The following ACOT8 variants were observed in gnomAD, a reference collection of about 807,000 sequenced individuals.
ACOT8 encodes the protein acyl-CoA thioesterase 8, also known as acyl-coenzyme A thioesterase 8.
A neutral mutation model predicts 38.4 loss-of-function variants in ACOT8; 31 were observed. That is an observed-to-expected ratio of 0.81 (90% confidence interval 0.61 to 1.09). The LOEUF (loss-of-function observed/expected upper bound fraction) is 1.09. Among genes scored for constraint, ACOT8 ranks in the 50% least tolerant of loss-of-function variants. ACOT8 has a pLI of 0.00. For missense variants in ACOT8, 373 were observed against 421.8 expected, an observed-to-expected ratio of 0.88 and a Z score of 1.01; for synonymous variants, 158 against 170.3, an observed-to-expected ratio of 0.93 and a Z score of 0.56.
chr20:45,854,026 TTTG>T (rs1248198332), intron 2 of ACOT8: 1 of 1,252,088 alleles, frequency 8.0e-7, no homozygotes, highest in Non-Finnish European at 1.0e-6. Flanking sequence ...GAGGGTTTTT[TTTG>T]TTTGTTTTTT....
At chr20:45,856,893 C>A (rs1985485114) in intron 1 of ACOT8, among the ~76,000 whole-genome samples, 1 of 152,238 alleles carries the variant, frequency 6.6e-6, no homozygotes, top group East Asian at 1.9e-4. Context: ...TTGGGCAAAT[C>A]ACTGCCCTCT....
chr20:45,855,053 C>T, intron 2 of ACOT8, 106 bp downstream of exon 2: 1 of 1,495,218 alleles, frequency 6.7e-7, no homozygotes, highest in Non-Finnish European at 9.1e-7. Context: ...CCACCCCTCC[C>T]CTTGTCTTCC....
chr20:45,848,875 A>G, intron 2 of ACOT8, 200 bp from the exon 3 acceptor site: 1 of 473,786 alleles, frequency 2.1e-6, no homozygotes, highest in Non-Finnish European at 3.7e-6. Flanking sequence ...GCTTTTCTCT[A>G]ACAGCACAAA....
chr20:45,854,020 G>GT (rs34682341), intron 2 of ACOT8: 345 of 1,249,766 alleles, frequency 2.8e-4, no homozygotes, highest in Middle Eastern at 4.4e-4. Flanking sequence ...AACAGTGAGG[G>GT]TTTTTTTTGT....
chr20:45,844,087 A>T, intron 4 of ACOT8, 176 bp downstream of exon 4: 1 of 948,460 alleles, frequency 1.1e-6, no homozygotes, highest in Non-Finnish European at 1.6e-6. Context: ...AGTCATCTCC[A>T]CCTTCTCCCC....
Position 45,841,912 on chromosome 20 carries a change from C to T in ACOT8, c.886G>A (p.Gly296Arg), listed in dbSNP as rs1984179149. 6.2e-7 allele frequency: 1 copy of T among 1,612,828 alleles called. No individual in the cohort carries two copies. Among genetic ancestry groups the T allele is most frequent in the Non-Finnish European group, 8.5e-7 (1 of 1,179,818 alleles). The change falls in exon 6 of 6, where the codon GGA becomes AGA. Residue 296 changes from glycine to arginine, a missense_variant. By Grantham distance (125) the Gly-to-Arg change is moderately radical. Transcript: ENST00000217455. Reference sequence around the variant, plus strand: ...TGGGCACAGGTCACAGCTAGGACTCCATCCTGACGCCACAGCCGCCCATGG... The same window carrying T: ...TGGGCACAGGTCACAGCTAGGACTCTATCCTGACGCCACAGCCGCCCATGG... ...LVHGRLWRQD[G>R]VLAVTCAQEG...
At chr20:45,856,258 T>C (rs879469605) in intron 1 of ACOT8, among the ~76,000 whole-genome samples, 1 of 151,088 alleles carries the variant, frequency 6.6e-6, no homozygotes, top group South Asian at 2.1e-4. Context: ...GGCCAGATCT[T>C]GTCTTCAAAA....
intron 2 of ACOT8, among the ~76,000 whole-genome samples, chr20:45,853,040 A>C (rs1985165503): frequency 6.6e-6 from 1 of 152,240 alleles, no homozygotes; most frequent in Admixed American, 6.5e-5. Context: ...AAGTGCTAGG[A>C]TTACAGGCAT....
At chr20:45,845,148 G>C (rs1984590441) in intron 3 of ACOT8, among the ~76,000 whole-genome samples, 2 of 152,100 alleles carry the variant, frequency 1.3e-5, no homozygotes, top group African/African-American at 2.4e-5. Context: ...GAGTGCGGTG[G>C]TGCAATCTCA....
At position 45,841,975 on chromosome 20, in the gene ACOT8, G is replaced by A. The variant is rs1378900903; in HGVS notation, c.842-19C>T. On this transcript the variant is annotated intron_variant, in intron 5 of 5. Coordinates refer to ENST00000217455, the MANE Select transcript of ACOT8 (RefSeq NM_005469.4). ...GAGCCACCTGTGGGTGAGGTGAAGG[G>A]TGATGATGGCCTGCTTCAGAACAGC... 5 of 1,612,698 alleles carry A rather than the reference G, an allele frequency of 3.1e-6. No individual in the cohort carries two copies. The African/African-American group carries it at 4.0e-5, about 13-fold the overall frequency.
At chr20:45,843,275 G>A in intron 5 of ACOT8, 2 of 675,218 alleles carry the variant, frequency 3.0e-6, no homozygotes, top group Middle Eastern at 2.5e-4. Flanking sequence ...ATCTGAACTG[G>A]TTTTGGGACT....
At chr20:45,845,558 A>C (rs1270789302) in intron 3 of ACOT8, among the ~76,000 whole-genome samples, 3 of 152,166 alleles carry the variant, frequency 2.0e-5, no homozygotes, top group African/African-American at 7.2e-5. Flanking sequence ...ACCAAACCCT[A>C]CACAGTAGGG....
intron 3 of ACOT8, among the ~76,000 whole-genome samples, chr20:45,845,683 G>A (rs1278889529): frequency 6.6e-6 from 1 of 152,162 alleles, no homozygotes; most frequent in Non-Finnish European, 1.5e-5. Context: ...ATCCTCTGGA[G>A]TGCTGTTGGA....
In ACOT8 at chr20:45,841,930, G is replaced by A. The variant is rs763208454; in HGVS notation, c.868C>T (p.Arg290Trp). ...AGGSRGLVHG[R>W]LWRQDGVLAV... Reference sequence around the variant, plus strand: ...AGGACTCCATCCTGACGCCACAGCCGCCCATGGACCAGCCCCCGAGAGCCA... The same window carrying A: ...AGGACTCCATCCTGACGCCACAGCCACCCATGGACCAGCCCCCGAGAGCCA... The change falls in exon 6 of 6, where the codon CGG becomes TGG. Residue 290 changes from arginine to tryptophan, a missense_variant. Coordinates refer to ENST00000217455, the MANE Select transcript of ACOT8 (RefSeq NM_005469.4). 3.4e-5 allele frequency: 55 copies of A among 1,613,000 alleles called. 1 individual carries two copies. The South Asian group carries it at 4.0e-4, about 12-fold the overall frequency.
intron 5 of ACOT8, 88 bp downstream of exon 5, chr20:45,843,439 C>T: frequency 6.6e-7 from 1 of 1,506,104 alleles, no homozygotes; most frequent in South Asian, 1.2e-5. Context: ...CAGCGCCACA[C>T]AGGAAGTCGG....
intron 4 of ACOT8, 198 bp downstream of exon 4, chr20:45,844,065 T>TGTCGG: frequency 1.2e-6 from 1 of 863,736 alleles, no homozygotes; most frequent in Non-Finnish European, 1.8e-6. Flanking sequence ...AAAGGCCTTG[T>TGTCGG]GTCGGGATTA....
At chr20:45,850,499 T>G (rs1213390173) in intron 2 of ACOT8, among the ~76,000 whole-genome samples, 1 of 152,208 alleles carries the variant, frequency 6.6e-6, no homozygotes, top group African/African-American at 2.4e-5. Context: ...TTGCTGCTAT[T>G]GTGCGTCAGA....
Position 45,848,435 on chromosome 20 carries a change from C to A in ACOT8, c.488+15G>T. On this transcript the variant is annotated intron_variant, in intron 3 of 5. Transcript: ENST00000217455. The stretch of plus-strand genomic sequence containing the variant: ...CATTTTGAAAAGTCTGCCATGGAGC[C>A]TCCAGGTCTCTCACCTTAAATACTG... The A allele has an allele frequency of 1.9e-6, 3 of 1,562,418 alleles. No individual in the cohort carries two copies. Among genetic ancestry groups the A allele is most frequent in the Non-Finnish European group, 2.6e-6 (3 of 1,149,580 alleles).
intron 2 of ACOT8, among the ~76,000 whole-genome samples, chr20:45,850,549 A>G (rs559341141): frequency 6.6e-6 from 1 of 152,080 alleles, no homozygotes; most frequent in Non-Finnish European, 1.5e-5. Context: ...GTCTGTTTGT[A>G]TATTCAGCCT....
Sources: gnomAD v4.1 joint callset for allele counts (sites outside exome capture counted in the v4.1 genomes callset) on GRCh38, gnomAD v4.1.1 for gene constraint, MANE v1.5 for transcripts, NCBI Gene and HGNC (gene_info 2026-07-23, HGNC 2026-07-21) for gene names.